CNTNAP2: variants seen among roughly 807,000 people sequenced by gnomAD.
CNTNAP2 encodes contactin associated protein 2.
A neutral mutation model predicts 155.2 loss-of-function variants in CNTNAP2; 98 were observed. The observed-to-expected ratio is 0.63, with a 90% CI of 0.54 to 0.75. The LOEUF is 0.75. Among genes scored for constraint, CNTNAP2 ranks in the 30% least tolerant of loss-of-function variants. CNTNAP2 has a pLI of 0.00. For missense variants in CNTNAP2, 1,727 were observed against 1,688.1 expected (o/e 1.02, Z -0.40); for synonymous variants, 651 against 631.2 (o/e 1.03, Z -0.47).
chr7:146,920,937 A>G (rs79274650), intron 3 of CNTNAP2, among the ~76,000 whole-genome samples: 1,536 of 152,318 alleles, frequency 0.01, 24 homozygotes, highest in African/African-American at 0.035. Context: ...TTCAGAGAAT[A>G]GTGCTGTAAA....
At chr7:148,029,790 T>C (rs1557943) in intron 15 of CNTNAP2, among the ~76,000 whole-genome samples, 48,967 of 152,108 alleles carry the variant, frequency 0.32, 9,557 homozygotes, top group East Asian at 0.77. Context: ...GAGAACTATC[T>C]AACTGTCTGA....
intron 3 of CNTNAP2, among the ~76,000 whole-genome samples, chr7:146,955,954 C>T (rs1374427222): frequency 6.6e-6 from 1 of 151,994 alleles, no homozygotes; most frequent in African/African-American, 2.4e-5. Flanking sequence ...GAACACTGGC[C>T]ATGACTGATG....
At chr7:147,891,928 A>G (rs1168914011) in intron 13 of CNTNAP2, among the ~76,000 whole-genome samples, 2 of 152,204 alleles carry the variant, frequency 1.3e-5, no homozygotes. Flanking sequence ...CAAAATAGCA[A>G]AGCAAACCCA....
At chr7:147,147,075 G>A (rs1801720396) in intron 8 of CNTNAP2, among the ~76,000 whole-genome samples, 1 of 152,128 alleles carries the variant, frequency 6.6e-6, no homozygotes, top group South Asian at 2.1e-4. Context: ...TGACTGGGGA[G>A]GCCTCGGGAA....
rs145543902 is a variant in CNTNAP2 at position 148,342,451 on chromosome 7, T to G, written c.3476-41198T>G. ...CTGTAAGTGTTCTTTCTGTACTTCT[T>G]GTTAAGGCATGGCTGTGTAAACTTC... On this transcript the variant is annotated intron_variant, in intron 21 of 23. Transcript: ENST00000361727. Among the ~76,000 whole-genome samples the G allele has an allele frequency of 5.7e-3, 870 of 152,342 alleles. 7 individuals are homozygous for G. Among genetic ancestry groups the G allele is most frequent in the African/African-American group, 0.02 (817 of 41,582 alleles).
At chr7:146,535,667 G>A (rs1263642931) in intron 1 of CNTNAP2, among the ~76,000 whole-genome samples, 1 of 151,420 alleles carries the variant, frequency 6.6e-6, no homozygotes, top group Non-Finnish European at 1.5e-5. Flanking sequence ...TGTTACAAGA[G>A]TATATCGTGT....
chr7:148,290,486 A>C (rs1314608317), intron 21 of CNTNAP2, among the ~76,000 whole-genome samples: 1 of 152,208 alleles, frequency 6.6e-6, no homozygotes, highest in African/African-American at 2.4e-5. Flanking sequence ...CTTTGTTTTG[A>C]TTCTCATTGT....
At chr7:148,322,203 G>C (rs144851085) in intron 21 of CNTNAP2, among the ~76,000 whole-genome samples, 1 of 152,136 alleles carries the variant, frequency 6.6e-6, no homozygotes, top group African/African-American at 2.4e-5. Context: ...TATTATAGGC[G>C]TGAGCCACCG....
Position 146,691,710 on chromosome 7 carries a change from C to T in CNTNAP2, c.98-82561C>T, listed in dbSNP as rs142545577. 2.2e-3 allele frequency among the ~76,000 whole-genome samples: 338 copies of T among 152,160 alleles called. 1 individual carries two copies. The highest frequency in any genetic ancestry group is 3.4e-3 in the Non-Finnish European group (230 of 67,980). On this transcript the variant is annotated intron_variant, in intron 1 of 23. Coordinates refer to ENST00000361727, the MANE Select transcript of CNTNAP2 (RefSeq NM_014141.6). ...CTTTACTGAATGTTAGAGCCAGGTTCGTAATTCTACCCATACTACCAACCC... is the reference window on the plus strand; with the variant it reads ...CTTTACTGAATGTTAGAGCCAGGTTTGTAATTCTACCCATACTACCAACCC...
At chr7:148,303,130 G>T (rs1366410030) in intron 21 of CNTNAP2, among the ~76,000 whole-genome samples, 1 of 151,916 alleles carries the variant, frequency 6.6e-6, no homozygotes, top group Non-Finnish European at 1.5e-5. Context: ...GTGTGAAAAT[G>T]GACTAATACA....
At chr7:146,528,341 T>C (rs1797720950) in intron 1 of CNTNAP2, among the ~76,000 whole-genome samples, 1 of 152,176 alleles carries the variant, frequency 6.6e-6, no homozygotes, top group Non-Finnish European at 1.5e-5. Context: ...TCTTTTATAT[T>C]GTTAGTTTTC....
At chr7:147,069,441 A>T (rs1015098261) in intron 4 of CNTNAP2, among the ~76,000 whole-genome samples, 2 of 152,218 alleles carry the variant, frequency 1.3e-5, no homozygotes, top group African/African-American at 4.8e-5. Context: ...CCTGTCCCAG[A>T]GGCAAGGACA....
chr7:146,332,111 G>A (rs891432730), intron 1 of CNTNAP2, among the ~76,000 whole-genome samples: 4 of 151,616 alleles, frequency 2.6e-5, no homozygotes, highest in African/African-American at 9.7e-5. Context: ...TTTATGCAAA[G>A]ATCCCACTGA....
At chr7:146,817,459 C>T (rs1417724564) in intron 2 of CNTNAP2, among the ~76,000 whole-genome samples, 3 of 146,136 alleles carry the variant, frequency 2.1e-5, no homozygotes, top group African/African-American at 8.0e-5. Flanking sequence ...GCAACATGAG[C>T]GAAACTCCAT....
At chr7:147,762,763 AAAAG>A (rs1465942736) in intron 13 of CNTNAP2, among the ~76,000 whole-genome samples, 1 of 147,776 alleles carries the variant, frequency 6.8e-6, no homozygotes, top group Admixed American at 6.7e-5. Flanking sequence ...AGGAAGGAAG[AAAAG>A]GAAGGAAGGA....
chr7:146,971,147 T>C (rs935877907), intron 3 of CNTNAP2, among the ~76,000 whole-genome samples: 1 of 152,014 alleles, frequency 6.6e-6, no homozygotes, highest in Non-Finnish European at 1.5e-5. Flanking sequence ...GCATGGCACA[T>C]GTATACATAT....
intron 3 of CNTNAP2, among the ~76,000 whole-genome samples, chr7:146,953,995 C>T (rs1038022593): frequency 2.0e-5 from 3 of 151,840 alleles, no homozygotes; most frequent in Non-Finnish European, 3.0e-5. Flanking sequence ...ATATAATCAA[C>T]TATTATTGCT....
At chr7:147,456,932 A>C (rs1400340228) in intron 10 of CNTNAP2, among the ~76,000 whole-genome samples, 2 of 152,230 alleles carry the variant, frequency 1.3e-5, no homozygotes, top group Non-Finnish European at 2.9e-5. Context: ...TAGAAACACC[A>C]GTAAAAGGAG....
At chr7:147,031,041 T>C (rs1467378452) in intron 3 of CNTNAP2, among the ~76,000 whole-genome samples, 1 of 152,212 alleles carries the variant, frequency 6.6e-6, no homozygotes, top group Non-Finnish European at 1.5e-5. Context: ...CATTATTTCT[T>C]CTACATTTTC....
Sources: allele counts gnomAD v4.1 joint callset (sites outside exome capture counted in the v4.1 genomes callset), GRCh38; gene constraint gnomAD v4.1.1; transcripts MANE v1.5; gene names NCBI Gene and HGNC (gene_info 2026-07-23, HGNC 2026-07-21).